CA5A: variants seen among roughly 807,000 people sequenced by gnomAD.
CA5A encodes the protein carbonic anhydrase 5A.
Under a neutral mutation model 37.1 loss-of-function variants are expected in CA5A, and 28 were observed. The observed-to-expected ratio is 0.75, with a 90% CI of 0.56 to 1.03. CA5A has a LOEUF of 1.03. Ranked by LOEUF, CA5A falls within the 50% of genes least tolerant of loss-of-function variation. The probability of loss-of-function intolerance (pLI) is 0.00; values close to 1 mark genes in which losing one functional copy is unlikely to be tolerated. For synonymous variants in CA5A, 171 were observed against 158.4 expected (o/e 1.08, Z -0.60); for missense variants, 444 against 399.9 (o/e 1.11, Z -0.94).
At position 87,891,927 on chromosome 16, in the gene CA5A, C is replaced by T. The variant is rs370816330; in HGVS notation, c.646G>A (p.Asp216Asn). The change falls in exon 6 of 7, where the codon GAC becomes AAC. Residue 216 changes from aspartate (D) to asparagine (N), a missense_variant. Asp to Asn is a conservative substitution (Grantham distance 23). Transcript: ENST00000649794. ...KDARAAMRPF[D>N]PSTLLPTCWD... ...CAGGTGGGCAGCAGAGTGGAGGGGT[C>T]GAAGGGGCGCATGGCCGCCCGCGCG... 25 of 1,556,590 alleles carry T rather than the reference C, an allele frequency of 1.6e-5. No individual in the cohort carries two copies. Among genetic ancestry groups the T allele is most frequent in the South Asian group, 6.0e-5 (5 of 83,944 alleles).
At chr16:87,922,388 T>A (rs560410067) in intron 2 of CA5A, among the ~76,000 whole-genome samples, 28 of 152,320 alleles carry the variant, frequency 1.8e-4, no homozygotes, top group African/African-American at 6.5e-4. Context: ...TCCTGGGGGA[T>A]AATTACCATC....
intron 5 of CA5A, among the ~76,000 whole-genome samples, chr16:87,895,894 C>T (rs1886306613): frequency 6.6e-6 from 1 of 152,204 alleles, no homozygotes; most frequent in South Asian, 2.1e-4. Context: ...GCTGGGTTGA[C>T]ATCCCATTGC....
Position 87,901,985 on chromosome 16 carries a change from G to T in CA5A, c.556-11C>A. On this transcript the variant is annotated splice_polypyrimidine_tract_variant and intron_variant, in intron 4 of 6. Coordinates refer to ENST00000649794, the MANE Select transcript of CA5A (RefSeq NM_001739.2). ...ATGATGGGCCCCGAGCTGCATGGCA[G>T]ACAAAGGAGGGGTTAGCTGCAAAGG... 1 of 1,613,040 alleles carries T rather than the reference G, an allele frequency of 6.2e-7. No individual in the cohort carries two copies. Among genetic ancestry groups the T allele is most frequent in the Non-Finnish European group, 8.5e-7 (1 of 1,179,158 alleles).
intron 2 of CA5A, among the ~76,000 whole-genome samples, chr16:87,907,254 C>G (rs1473531090): frequency 6.6e-6 from 1 of 152,166 alleles, no homozygotes; most frequent in Non-Finnish European, 1.5e-5. Context: ...CGTGCCTGGC[C>G]TCCAAAACAC....
At chr16:87,906,398 C>A (rs189065073) in intron 2 of CA5A, among the ~76,000 whole-genome samples, 60 of 152,118 alleles carry the variant, frequency 3.9e-4, no homozygotes, top group Admixed American at 5.9e-4. Context: ...GAGGCCGAGG[C>A]GGGCGGATCA....
chr16:87,898,176 G>C (rs1436256747), intron 5 of CA5A, among the ~76,000 whole-genome samples: 1 of 152,224 alleles, frequency 6.6e-6, no homozygotes, highest in Non-Finnish European at 1.5e-5. Context: ...GGAACCAGGA[G>C]AGATGATGGG....
intron 2 of CA5A, among the ~76,000 whole-genome samples, chr16:87,921,890 C>G (rs1012854240): frequency 6.1e-4 from 92 of 150,906 alleles, no homozygotes; most frequent in Non-Finnish European, 1.5e-4. Flanking sequence ...TTTTGAGAGA[C>G]AGGATCTCGC....
At chr16:87,908,104 C>G (rs1196500902) in intron 2 of CA5A, among the ~76,000 whole-genome samples, 1 of 152,188 alleles carries the variant, frequency 6.6e-6, no homozygotes, top group Non-Finnish European at 1.5e-5. Flanking sequence ...ATCACTTGGT[C>G]GGTAAGCAGC....
At chr16:87,926,572 G>T (rs1408091997) in intron 2 of CA5A, among the ~76,000 whole-genome samples, 176 bp downstream of exon 2, 1 of 152,200 alleles carries the variant, frequency 6.6e-6, no homozygotes, top group Non-Finnish European at 1.5e-5. Flanking sequence ...GTCCCCTCGA[G>T]AACCTTCACA....
rs2055879631 is a variant in CA5A, at chr16:87,901,613, G to A, written c.618+299C>T. ...TTTTCTTTTTTTTTTTTTGAGATGG[G>A]ATTTCACTCTTGTCACCCAGGCTGG... is the stretch of plus-strand genomic sequence containing the variant. On this transcript the variant is annotated intron_variant, in intron 5 of 6. Transcript: ENST00000649794. Among the ~76,000 whole-genome samples, 3 of 150,096 alleles carry A rather than the reference G, an allele frequency of 2.0e-5. No individual in the cohort carries two copies. The South Asian group carries it at 6.3e-4, about 31-fold the overall frequency.
chr16:87,898,299 C>T (rs1042898295), intron 5 of CA5A, among the ~76,000 whole-genome samples: 14 of 152,232 alleles, frequency 9.2e-5, no homozygotes, highest in African/African-American at 2.9e-4. Flanking sequence ...TGGGTGAGAA[C>T]TGCTGAGTCC....
intron 5 of CA5A, among the ~76,000 whole-genome samples, chr16:87,901,372 G>A (rs2055874764): frequency 6.6e-6 from 1 of 152,192 alleles, no homozygotes; most frequent in African/African-American, 2.4e-5. Flanking sequence ...ATTTTATGGA[G>A]GAGGAAACAG....
At chr16:87,906,957 C>T (rs2055969973) in intron 2 of CA5A, among the ~76,000 whole-genome samples, 2 of 152,150 alleles carry the variant, frequency 1.3e-5, no homozygotes, top group Admixed American at 1.3e-4. Context: ...TGGCTCACGC[C>T]TGTAATCCTA....
intron 1 of CA5A, among the ~76,000 whole-genome samples, chr16:87,932,992 C>T (rs543735327): frequency 2.6e-5 from 4 of 152,274 alleles, no homozygotes; most frequent in South Asian, 2.1e-4. Context: ...TGCCCTCCGC[C>T]GTGAGAAGAA....
chr16:87,926,426 A>G (rs116433669), intron 2 of CA5A, among the ~76,000 whole-genome samples: 1 of 152,200 alleles, frequency 6.6e-6, no homozygotes, highest in African/African-American at 2.4e-5. Flanking sequence ...AAGTGTTCGC[A>G]TTTCAATGAG....
At chr16:87,933,882 C>G (rs1371353181) in intron 1 of CA5A, among the ~76,000 whole-genome samples, 1 of 152,186 alleles carries the variant, frequency 6.6e-6, no homozygotes, top group East Asian at 1.9e-4. Flanking sequence ...GCAGAATATT[C>G]TGCTCTTTGT....
At chr16:87,919,106 G>A (rs1287887634) in intron 2 of CA5A, among the ~76,000 whole-genome samples, 3 of 152,236 alleles carry the variant, frequency 2.0e-5, no homozygotes, top group Admixed American at 6.5e-5. Flanking sequence ...CCTTTAAGCA[G>A]ATGTGAAGCC....
At chr16:87,897,704 C>T (rs555400930) in intron 5 of CA5A, among the ~76,000 whole-genome samples, 2 of 152,336 alleles carry the variant, frequency 1.3e-5, no homozygotes, top group Admixed American at 6.5e-5. Flanking sequence ...GCTGCGTGGA[C>T]CCACTTCCTG....
chr16:87,881,616 C>G (rs1249750755), exon 5 of CA5A: 2 of 152,158 alleles, frequency 1.3e-5, no homozygotes, highest in African/African-American at 4.8e-5. Context: ...AGCCTTGAAC[C>G]TTAAAAGCTG....
Sources: allele counts gnomAD v4.1 joint callset (sites outside exome capture counted in the v4.1 genomes callset), GRCh38; gene constraint gnomAD v4.1.1; transcripts MANE v1.5; gene names NCBI Gene and HGNC (gene_info 2026-07-23, HGNC 2026-07-21).